The following PGCKA1 variants were observed in gnomAD, a reference collection of about 807,000 sequenced individuals.
PGCKA1 encodes PDCD10 and GCKIII kinases-associated protein 1.
chr4:37,535,953 CTTCAAAAT>C, the PGCKA1 span, among the ~76,000 whole-genome samples: 1 of 152,316 alleles, frequency 6.6e-6, no homozygotes, highest in East Asian at 1.9e-4. Flanking sequence ...GTTAGATGAG[CTTCAAAAT>C]AGTACCTCCT....
chr4:37,586,956 C>T, the PGCKA1 span, among the ~76,000 whole-genome samples: 45 of 152,184 alleles, frequency 3.0e-4, 1 homozygote, highest in South Asian at 9.4e-3. Flanking sequence ...TTATTCTCTC[C>T]CAGTTCTAGA....
chr4:37,570,762 C>T, the PGCKA1 span, among the ~76,000 whole-genome samples: 5 of 152,176 alleles, frequency 3.3e-5, no homozygotes, highest in Non-Finnish European at 7.3e-5. Flanking sequence ...CTTCTATAAA[C>T]GCAAACCACC....
the PGCKA1 span, among the ~76,000 whole-genome samples, chr4:37,502,443 T>C: frequency 9.2e-4 from 140 of 152,290 alleles, no homozygotes; most frequent in Non-Finnish European, 1.5e-3. Context: ...CCTCTGTGGC[T>C]ACTCAGAGTT....
the PGCKA1 span, among the ~76,000 whole-genome samples, chr4:37,574,312 T>C: frequency 6.6e-6 from 1 of 152,232 alleles, no homozygotes; most frequent in Non-Finnish European, 1.5e-5. Flanking sequence ...CCCTTTCATA[T>C]ACTACTTGTT....
the PGCKA1 span, among the ~76,000 whole-genome samples, chr4:37,552,008 CATATTGTTTT>C: frequency 4.6e-5 from 7 of 152,166 alleles, no homozygotes; most frequent in East Asian, 1.9e-4. Context: ...TAAACCCTCT[CATATTGTTTT>C]ATATTGTTTT....
the PGCKA1 span, among the ~76,000 whole-genome samples, chr4:37,508,794 G>T: frequency 7.3e-5 from 10 of 136,260 alleles, no homozygotes; most frequent in African/African-American, 2.7e-4. Flanking sequence ...GTGAACAAGG[G>T]TCTCTGGTTT....
the PGCKA1 span, among the ~76,000 whole-genome samples, chr4:37,463,147 C>G: frequency 6.6e-6 from 1 of 152,056 alleles, no homozygotes; most frequent in Non-Finnish European, 1.5e-5. Context: ...CTATAACCTT[C>G]CTGTCCTGTG....
the PGCKA1 span, among the ~76,000 whole-genome samples, chr4:37,550,308 A>G: frequency 6.6e-6 from 1 of 152,154 alleles, no homozygotes; most frequent in Admixed American, 6.5e-5. Context: ...TTCTATTAAT[A>G]GTAATCAGCA....
At chr4:37,459,140 G>A in the PGCKA1 span, among the ~76,000 whole-genome samples, 1 of 151,782 alleles carries the variant, frequency 6.6e-6, no homozygotes. Flanking sequence ...TCAGAGTTTT[G>A]CGTGAAAAAA....
the PGCKA1 span, among the ~76,000 whole-genome samples, chr4:37,538,079 A>G: frequency 2.0e-5 from 3 of 151,934 alleles, no homozygotes; most frequent in African/African-American, 7.3e-5. Flanking sequence ...ACACACACAC[A>G]CACACACGCA....
chr4:37,470,139 G>A, the PGCKA1 span, among the ~76,000 whole-genome samples: 5 of 152,142 alleles, frequency 3.3e-5, no homozygotes, highest in South Asian at 4.1e-4. Context: ...AGCTACTACC[G>A]GGGAACTTGT....
chr4:37,481,498 A>AAAG, the PGCKA1 span, among the ~76,000 whole-genome samples: 1 of 83,664 alleles, frequency 1.2e-5, no homozygotes, highest in Non-Finnish European at 3.1e-5. Context: ...AAAAAAAAAA[A>AAAG]AAGAAGTCCA....
chr4:37,482,979 T>C, the PGCKA1 span, among the ~76,000 whole-genome samples: 1 of 152,200 alleles, frequency 6.6e-6, no homozygotes, highest in East Asian at 1.9e-4. Context: ...GGAAGAATGA[T>C]ATGGTTTGGC....
At chr4:37,510,543 C>T in the PGCKA1 span, among the ~76,000 whole-genome samples, 3 of 152,122 alleles carry the variant, frequency 2.0e-5, no homozygotes, top group African/African-American at 7.2e-5. Context: ...CTCTCCCCTA[C>T]TTTCTCCCAA....
chr4:37,553,447 A>T, the PGCKA1 span, among the ~76,000 whole-genome samples: 2 of 152,208 alleles, frequency 1.3e-5, no homozygotes, highest in African/African-American at 4.8e-5. Context: ...CAACGTAGAC[A>T]CTTGTTTGAT....
the PGCKA1 span, among the ~76,000 whole-genome samples, chr4:37,572,124 G>A: frequency 3.5e-5 from 5 of 141,280 alleles, no homozygotes; most frequent in East Asian, 6.2e-4. Flanking sequence ...GTGCAGTGGC[G>A]GGATCTCGGC....
chr4:37,454,216 C>A, the PGCKA1 span, among the ~76,000 whole-genome samples: 2 of 151,896 alleles, frequency 1.3e-5, no homozygotes, highest in Non-Finnish European at 1.5e-5. Flanking sequence ...TTGATGACTT[C>A]GGGAAAAGTC....
the PGCKA1 span, among the ~76,000 whole-genome samples, chr4:37,488,986 G>A: frequency 6.6e-6 from 1 of 152,046 alleles, no homozygotes; most frequent in Admixed American, 6.6e-5. Flanking sequence ...TATACCAAAG[G>A]CCAGCTTCTC....
chr4:37,502,237 C>G, the PGCKA1 span, among the ~76,000 whole-genome samples: 1 of 152,238 alleles, frequency 6.6e-6, no homozygotes, highest in Non-Finnish European at 1.5e-5. Context: ...CAACGGGGTG[C>G]ATGACGCATG....
Sources: gnomAD v4.1 joint callset for allele counts (sites outside exome capture counted in the v4.1 genomes callset) on GRCh38, gnomAD v4.1.1 for gene constraint, MANE v1.5 for transcripts, NCBI Gene and HGNC (gene_info 2026-07-23, HGNC 2026-07-21) for gene names.